Variants in ARHGEF4 observed in about 807,000 individuals in gnomAD.
The protein encoded by ARHGEF4 is Rho guanine nucleotide exchange factor 4, also known as APC-stimulated guanine nucleotide exchange factor 1.
In ARHGEF4, 119 loss-of-function variants were observed where a neutral mutation model predicts 162.0. That is an observed-to-expected ratio of 0.73 (90% CI 0.63 to 0.86). The LOEUF (loss-of-function observed/expected upper bound fraction) is 0.86. Ranked by LOEUF, ARHGEF4 falls within the 40% of genes least tolerant of loss-of-function variation. The pLI is 0.00. For synonymous variants in ARHGEF4, 1,014 were observed against 979.9 expected, an observed-to-expected ratio of 1.03 and a Z score of -0.65; for missense variants, 2,488 against 2,456.0, an observed-to-expected ratio of 1.01 and a Z score of -0.28.
At chr2:130,967,733 C>T (rs1349236499) in intron 4 of ARHGEF4, among the ~76,000 whole-genome samples, 1 of 152,138 alleles carries the variant, frequency 6.6e-6, no homozygotes, top group Non-Finnish European at 1.5e-5. Flanking sequence ...ACAGTGATGC[C>T]CCATTATGTG....
chr2:130,898,261 G>T (rs1187365498), intron 1 of ARHGEF4, among the ~76,000 whole-genome samples: 2 of 152,198 alleles, frequency 1.3e-5, no homozygotes, highest in African/African-American at 4.8e-5. Context: ...GCAGCTGGCT[G>T]ACAATGTGCC....
At chr2:130,962,927 A>AATTTGC (rs1684720183) in intron 4 of ARHGEF4, among the ~76,000 whole-genome samples, 1 of 152,018 alleles carries the variant, frequency 6.6e-6, no homozygotes, top group Non-Finnish European at 1.5e-5. Flanking sequence ...CACCTCCTGG[A>AATTTGC]ATTTGCATTT....
At position 130,955,521 on chromosome 2, in the gene ARHGEF4, A is replaced by G. The variant is rs550690206; in HGVS notation, c.3985+8886A>G. ...GGGTTAAGCTTCTGATGTTGCTCCT[A>G]AAGGAGATACAGCACTGGGTATGCC... On this transcript the variant is annotated intron_variant, in intron 4 of 13. Coordinates refer to ENST00000409359, the MANE Select transcript of ARHGEF4 (RefSeq NM_001367493.1). Among the ~76,000 whole-genome samples the G allele has an allele frequency of 2.6e-5, 4 of 152,258 alleles. No individual in the cohort carries two copies. In the South Asian group the frequency reaches 8.3e-4, roughly 32 times the overall value.
chr2:130,927,824 A>G (rs925556034), intron 2 of ARHGEF4, among the ~76,000 whole-genome samples: 7 of 152,204 alleles, frequency 4.6e-5, no homozygotes, highest in Non-Finnish European at 8.8e-5. Context: ...TGTTTTATAC[A>G]TAATGTCTTA....
intron 4 of ARHGEF4, among the ~76,000 whole-genome samples, chr2:130,966,895 G>A (rs182114255): frequency 6.6e-6 from 1 of 152,316 alleles, no homozygotes; most frequent in African/African-American, 2.4e-5. Context: ...GCCATTGATT[G>A]CACATTGTGT....
chr2:131,040,138 C>CGAA lies in ARHGEF4; in HGVS notation c.4430_4431insAGA (p.Glu1477dup). 6.2e-7 allele frequency: 1 copy of CGAA among 1,613,406 alleles called. No individual in the cohort carries two copies. On this transcript the variant is annotated inframe_insertion, in exon 7 of 14. Coordinates refer to ENST00000409359, the MANE Select transcript of ARHGEF4 (RefSeq NM_001367493.1). ...ACCAGATGCGGACCAACGTCATCAACGAGATCCTCAGCACTGAGCGGGACT... is the reference window on the plus strand; with the variant it reads ...ACCAGATGCGGACCAACGTCATCAACGAAGAGATCCTCAGCACTGAGCGGGACT...
chr2:130,916,108 C>T lies in ARHGEF4; in HGVS notation c.2162C>T (p.Ala721Val). The T allele has an allele frequency of 6.5e-7, 1 of 1,550,038 alleles. No individual in the cohort carries two copies. Among genetic ancestry groups the T allele is most frequent in the Non-Finnish European group, 8.7e-7 (1 of 1,146,916 alleles). ...AELGRVLVPQAASEETPSTEE... is the reference protein window; with the variant it reads ...AELGRVLVPQVASEETPSTEE... ...CTTGGGAGAGTGCTGGTCCCCCAAGCTGCTTCGGAAGAGACGCCGAGCACA... is the reference window on the plus strand; with the variant it reads ...CTTGGGAGAGTGCTGGTCCCCCAAGTTGCTTCGGAAGAGACGCCGAGCACA... The change falls in exon 2 of 14, where the codon GCT (alanine) becomes GTT (valine). Residue 721 changes from alanine (A) to valine (V), a missense_variant. Transcript: ENST00000409359.
chr2:130,986,774 A>G (rs1348861207), intron 4 of ARHGEF4, among the ~76,000 whole-genome samples: 2 of 152,216 alleles, frequency 1.3e-5, no homozygotes, highest in African/African-American at 4.8e-5. Context: ...TAGTCACTTC[A>G]TAATTGTCTG....
At position 131,041,612 on chromosome 2, in the gene ARHGEF4, G is replaced by A. The variant is rs1305665809; in HGVS notation, c.4895+150G>A. 7 of 1,086,030 alleles carry A rather than the reference G, an allele frequency of 6.4e-6. No homozygotes were observed. The East Asian group carries it at 1.2e-4, about 19-fold the overall frequency. The allele number at this position is 1,086,030 out of a possible 1,614,324, so 67.3% of individuals were successfully genotyped here. On this transcript the variant is annotated intron_variant, in intron 9 of 13. Coordinates refer to ENST00000409359, the MANE Select transcript of ARHGEF4 (RefSeq NM_001367493.1). ...GTCCTGATGAGCTCCTTGCAATGGG[G>A]GAAGAGGATGCCAACAGGATATTAA...
chr2:130,904,708 G>A (rs1680705249), intron 1 of ARHGEF4, among the ~76,000 whole-genome samples: 1 of 151,770 alleles, frequency 6.6e-6, no homozygotes, highest in Admixed American at 6.6e-5. Flanking sequence ...CAACTTTTTT[G>A]CAAATATTTT....
intron 5 of ARHGEF4, 33 bp from the exon 6 acceptor site, chr2:131,038,820 C>A (rs766458280): frequency 3.2e-6 from 5 of 1,577,420 alleles, no homozygotes; most frequent in Non-Finnish European, 8.6e-7. Context: ...CAGCCTCCCC[C>A]ACTGACCCGC....
chr2:130,972,723 G>T (rs1685446102), intron 4 of ARHGEF4, among the ~76,000 whole-genome samples: 1 of 152,206 alleles, frequency 6.6e-6, no homozygotes, highest in Non-Finnish European at 1.5e-5. Context: ...AGTGGTTGTG[G>T]TTAATGTGTT....
rs574321556 is a variant in ARHGEF4 at position 130,897,395 on chromosome 2, T to C, written c.40-16591T>C. On this transcript the variant is annotated intron_variant, in intron 1 of 13. Transcript: ENST00000409359. ...GGCAGGCCCTGTGCTTCCGCGGAGC[T>C]GAGAGGATTCGTAGGTGCTTCCCAT... Among the ~76,000 whole-genome samples the C allele has an allele frequency of 5.3e-5, 8 of 152,296 alleles. No homozygotes were observed. In the East Asian group the frequency reaches 1.5e-3, roughly 29 times the overall value.
intron 4 of ARHGEF4, among the ~76,000 whole-genome samples, chr2:130,948,588 A>G (rs1683765242): frequency 6.6e-6 from 1 of 152,212 alleles, no homozygotes; most frequent in Non-Finnish European, 1.5e-5. Flanking sequence ...CACTTGAAAT[A>G]ATTGGCAGAT....
At chr2:130,852,044 T>C (rs1681449632) in intron 1 of ARHGEF4, among the ~76,000 whole-genome samples, 1 of 152,264 alleles carries the variant, frequency 6.6e-6, no homozygotes, top group East Asian at 1.9e-4. Flanking sequence ...TATTTTATTA[T>C]TACAGGTGTT....
intron 1 of ARHGEF4, among the ~76,000 whole-genome samples, chr2:130,878,511 G>A (rs1679002804): frequency 6.6e-6 from 1 of 152,176 alleles, no homozygotes; most frequent in Admixed American, 6.5e-5. Flanking sequence ...TCACAGCTGA[G>A]GACAGTCCCT....
rs544216304 is a variant in ARHGEF4, at chr2:130,916,357, G to A, written c.2411G>A (p.Arg804Lys). Reference protein sequence around the residue: ...FSKVTSFRKGRPLATESPGGV... With the variant: ...FSKVTSFRKGKPLATESPGGV... ...AAGGTGACCTCCTTCAGGAAGGGCA[G>A]GCCCTTGGCCACTGAGAGCCCAGGA... The change falls in exon 2 of 14, where the codon AGG (arginine) becomes AAG (lysine). Residue 804 changes from arginine to lysine, a missense_variant. Arg to Lys is a conservative substitution (Grantham distance 26, BLOSUM62 2). Transcript: ENST00000409359. 389 of 1,541,808 alleles carry A rather than the reference G, an allele frequency of 2.5e-4. 2 individuals carry two copies. The African/African-American group carries it at 5.1e-3, about 20-fold the overall frequency.
At chr2:130,985,804 GTT>G (rs200361460) in intron 4 of ARHGEF4, among the ~76,000 whole-genome samples, 1 of 151,922 alleles carries the variant, frequency 6.6e-6, no homozygotes, top group African/African-American at 2.4e-5. Context: ...GTGTGTGCAT[GTT>G]TTTTGTTGTG....
intron 1 of ARHGEF4, among the ~76,000 whole-genome samples, chr2:130,850,374 A>G (rs1003421967): frequency 7.2e-5 from 11 of 152,292 alleles, no homozygotes; most frequent in African/African-American, 2.4e-4. Context: ...CCGTGTCCCA[A>G]GTCTGCCTAG....
Sources: allele counts gnomAD v4.1 joint callset (sites outside exome capture counted in the v4.1 genomes callset), GRCh38; gene constraint gnomAD v4.1.1; transcripts MANE v1.5; gene names NCBI Gene and HGNC (gene_info 2026-07-23, HGNC 2026-07-21).